The following RGSL1 variants were observed in gnomAD, a reference collection of about 807,000 sequenced individuals.
RGSL1 encodes regulator of G protein signaling like 1.
A neutral mutation model predicts 124.7 loss-of-function variants in RGSL1; 97 were observed. That is an observed-to-expected ratio of 0.78 (90% CI 0.66 to 0.92). The LOEUF is 0.92. RGSL1 is among the 40% of genes least tolerant of loss of function. The probability of loss-of-function intolerance (pLI) is 0.00; values close to 1 mark genes in which losing one functional copy is unlikely to be tolerated. For synonymous variants in RGSL1, 424 were observed against 438.1 expected (o/e 0.97, Z 0.40); for missense variants, 1,233 against 1,288.4 (o/e 0.96, Z 0.66).
Position 182,474,400 on chromosome 1 carries a change from A to C in RGSL1, c.1289A>C (p.Asp430Ala). 1 of 1,552,042 alleles carries C rather than the reference A, an allele frequency of 6.4e-7. No homozygotes were observed. Among genetic ancestry groups the C allele is most frequent in the Non-Finnish European group, 8.7e-7 (1 of 1,147,028 alleles). Residue 430 changes from aspartate to alanine, a missense_variant, in exon 6 of 22, where the codon GAC becomes GCC. Physicochemically the swap from Asp to Ala is moderately radical, Grantham distance 126. Coordinates refer to ENST00000294854, the MANE Select transcript of RGSL1 (RefSeq NM_001137669.2). The part of the protein sequence containing the change: ...GNAIFRHLLG[D>A]RICELYLNEQ... ...GCAATCTTTCGTCACTTGCTGGGTG[A>C]CAGAATCTGCGAGCTCTACCTGAAT...
intron 4 of RGSL1, among the ~76,000 whole-genome samples, chr1:182,462,468 A>C (rs1652925405): frequency 6.6e-6 from 1 of 152,200 alleles, no homozygotes; most frequent in Non-Finnish European, 1.5e-5. Flanking sequence ...ATAATATTTA[A>C]AAGCTATCAT....
intron 9 of RGSL1, among the ~76,000 whole-genome samples, chr1:182,496,287 C>T (rs1029330880): frequency 1.3e-5 from 2 of 152,244 alleles, no homozygotes; most frequent in South Asian, 2.1e-4. Flanking sequence ...TAAGAAACCA[C>T]CCCATGAGCT....
intron 2 of RGSL1, 101 bp from the exon 3 acceptor site, chr1:182,458,218 G>A (rs1652507645): frequency 1.3e-6 from 1 of 776,432 alleles, no homozygotes; most frequent in African/African-American, 1.8e-5. Flanking sequence ...TGAAATAAAA[G>A]AGCCATGGAA....
chr1:182,507,781 C>A (rs1271978494), intron 9 of RGSL1, among the ~76,000 whole-genome samples: 1 of 152,062 alleles, frequency 6.6e-6, no homozygotes, highest in Admixed American at 6.6e-5. Flanking sequence ...TGGCTCACTG[C>A]AGCCTTGACC....
intron 15 of RGSL1, among the ~76,000 whole-genome samples, chr1:182,544,245 C>A (rs1407983771): frequency 6.6e-6 from 1 of 151,896 alleles, no homozygotes; most frequent in Non-Finnish European, 1.5e-5. Flanking sequence ...TCCTTTATTT[C>A]TTCACTGACC....
rs544748120 is a variant in RGSL1, at chr1:182,510,665, TGAGAGGGAGAGGGAGAGGGAGAGG to T, written c.1826-11320_1826-11297del. 1.6e-4 allele frequency among the ~76,000 whole-genome samples: 2 copies of T among 12,438 alleles called. 1 individual carries two copies. The highest frequency in any genetic ancestry group is 1.3e-3 in the Admixed American group (2 of 1,526). The allele number at this position is 12,438 out of a possible 152,430, so 8.2% of individuals were successfully genotyped here. The stretch of plus-strand genomic sequence containing the variant: ...CATGAGAGGGAGACCGTGGGGAGAG[TGAGAGGGAGAGGGAGAGGGAGAGG>T]GAGAGGGAGAGGGAGAGGCCTATTG... On this transcript the variant is annotated intron_variant, in intron 9 of 21. Coordinates refer to ENST00000294854, the MANE Select transcript of RGSL1 (RefSeq NM_001137669.2).
chr1:182,535,181 C>T (rs1659452402), intron 14 of RGSL1, among the ~76,000 whole-genome samples: 2 of 152,160 alleles, frequency 1.3e-5, no homozygotes, highest in South Asian at 4.2e-4. Context: ...TGCCCCTCTT[C>T]AATAGAACTC....
At chr1:182,519,762 G>A (rs1414350635) in intron 9 of RGSL1, among the ~76,000 whole-genome samples, 1 of 151,690 alleles carries the variant, frequency 6.6e-6, no homozygotes, top group African/African-American at 2.4e-5. Flanking sequence ...TTCCCCCTCT[G>A]TGTGTTTCAG....
chr1:182,513,589 T>C (rs915616029), intron 9 of RGSL1, among the ~76,000 whole-genome samples: 2 of 152,190 alleles, frequency 1.3e-5, no homozygotes, highest in African/African-American at 2.4e-5. Flanking sequence ...AGTTAACAGG[T>C]GCATTCTGGG....
intron 2 of RGSL1, among the ~76,000 whole-genome samples, chr1:182,457,722 A>G (rs1485186511): frequency 6.6e-6 from 1 of 152,208 alleles, no homozygotes; most frequent in East Asian, 1.9e-4. Context: ...AAGTTTACAT[A>G]CCTGTAAACA....
At chr1:182,458,466 A>G in intron 3 of RGSL1, 73 bp downstream of exon 3, 1 of 1,322,550 alleles carries the variant, frequency 7.6e-7, no homozygotes, top group Non-Finnish European at 1.1e-6. Flanking sequence ...TTTGTTGTTA[A>G]TTTGTTTTTG....
chr1:182,480,863 T>C (rs1161251354), intron 6 of RGSL1, among the ~76,000 whole-genome samples: 1 of 151,770 alleles, frequency 6.6e-6, no homozygotes, highest in Non-Finnish European at 1.5e-5. Context: ...TTTAAACAAC[T>C]AGTAGCTCAA....
At chr1:182,495,708 T>C (rs1277281778) in intron 9 of RGSL1, among the ~76,000 whole-genome samples, 3 of 152,210 alleles carry the variant, frequency 2.0e-5, no homozygotes, top group African/African-American at 7.2e-5. Context: ...GATATTGAGA[T>C]GGTCCATTCA....
At chr1:182,531,868 A>G (rs1222693306) in intron 13 of RGSL1, among the ~76,000 whole-genome samples, 2 of 152,176 alleles carry the variant, frequency 1.3e-5, no homozygotes, top group Non-Finnish European at 2.9e-5. Flanking sequence ...CCTGAAGGCT[A>G]TTGTTTCTAT....
At position 182,548,436 on chromosome 1, in the gene RGSL1, A is replaced by C; in HGVS notation, c.2789A>C (p.Asp930Ala). Residue 930 changes from aspartate to alanine, a missense_variant, in exon 16 of 22, where the codon GAC (aspartate) becomes GCC (alanine). Physicochemically the swap from Asp to Ala is moderately radical, Grantham distance 126. Transcript: ENST00000294854. ...NIIQKLFLNS[D>A]IPPKLRVNVP... ...ATCCAAAAACTCTTCCTGAATTCTG[A>C]CATCCCTCCAAAGCTGAGGGTAAGA... 6.4e-7 allele frequency: 1 copy of C among 1,551,706 alleles called. No individual in the cohort carries two copies. The highest frequency in any genetic ancestry group is 8.7e-7 in the Non-Finnish European group (1 of 1,146,984).
intron 9 of RGSL1, among the ~76,000 whole-genome samples, chr1:182,504,358 T>C (rs1046777230): frequency 4.6e-5 from 7 of 152,082 alleles, no homozygotes; most frequent in African/African-American, 1.7e-4. Flanking sequence ...GCTCATGGTT[T>C]CCTTTAGCTC....
intron 17 of RGSL1, chr1:182,549,236 T>C (rs1308045703): frequency 1.2e-5 from 2 of 170,096 alleles, no homozygotes; most frequent in East Asian, 3.2e-4. Flanking sequence ...TTTTGCTCTG[T>C]TATGCCCAAA....
chr1:182,480,793 C>T (rs1201276037), intron 6 of RGSL1, among the ~76,000 whole-genome samples: 1 of 151,526 alleles, frequency 6.6e-6, no homozygotes. Flanking sequence ...TGGAGTGAAA[C>T]TAGAAATCAA....
intron 9 of RGSL1, among the ~76,000 whole-genome samples, chr1:182,501,104 T>C (rs1156643837): frequency 2.0e-5 from 3 of 152,112 alleles, no homozygotes; most frequent in Non-Finnish European, 2.9e-5. Flanking sequence ...CTTTCACCAT[T>C]GACTATAATG....
Sources: gnomAD v4.1 joint callset for allele counts (sites outside exome capture counted in the v4.1 genomes callset) on GRCh38, gnomAD v4.1.1 for gene constraint, MANE v1.5 for transcripts, NCBI Gene and HGNC (gene_info 2026-07-23, HGNC 2026-07-21) for gene names.